Variants in EBF1 observed in about 807,000 individuals in gnomAD.
The protein encoded by EBF1 is transcription factor COE1.
EBF1 carries 10 observed loss-of-function variants against 68.4 expected under a neutral mutation model. That is an observed-to-expected ratio of 0.15 (90% CI 0.09 to 0.25). The LOEUF is 0.25. EBF1 is among the 10% of genes least tolerant of loss of function. The pLI, the probability that EBF1 is intolerant of heterozygous loss-of-function variation, is 1.00. For missense variants in EBF1, 509 were observed against 794.4 expected (o/e 0.64, Z 4.32); for synonymous variants, 298 against 299.8 (o/e 0.99, Z 0.06).
chr5:158,702,104 C>A (rs781474971), intron 15 of EBF1, among the ~76,000 whole-genome samples: 1 of 152,148 alleles, frequency 6.6e-6, no homozygotes, highest in Non-Finnish European at 1.5e-5. Context: ...AGGGCAGAAC[C>A]CTTGCGGTTG....
At chr5:158,882,452 G>C (rs1035936218) in intron 6 of EBF1, among the ~76,000 whole-genome samples, 1 of 152,136 alleles carries the variant, frequency 6.6e-6, no homozygotes, top group Admixed American at 6.5e-5. Context: ...CTAGATGCCA[G>C]GTACTCAACC....
At chr5:158,802,912 T>C (rs942416602) in intron 8 of EBF1, among the ~76,000 whole-genome samples, 44 of 152,312 alleles carry the variant, frequency 2.9e-4, no homozygotes, top group African/African-American at 9.9e-4. Flanking sequence ...CCCTATACTC[T>C]CATCAGTTCA....
intron 8 of EBF1, among the ~76,000 whole-genome samples, chr5:158,814,434 A>G (rs979766965): frequency 2.6e-5 from 4 of 152,216 alleles, no homozygotes; most frequent in African/African-American, 9.6e-5. Context: ...AATCTCCCCT[A>G]CAACACACAA....
intron 6 of EBF1, among the ~76,000 whole-genome samples, chr5:158,875,056 T>TACACACACACACAC (rs3035121): frequency 2.4e-4 from 35 of 147,410 alleles, no homozygotes; most frequent in African/African-American, 8.3e-4. Context: ...CACACACACA[T>TACACACACACACAC]ACACACACAC....
chr5:158,820,280 C>T (rs765402495), intron 8 of EBF1, among the ~76,000 whole-genome samples: 1 of 151,894 alleles, frequency 6.6e-6, no homozygotes, highest in Non-Finnish European at 1.5e-5. Context: ...GGGGTGGGAG[C>T]GGAGACACAG....
chr5:159,085,441 C>T (rs1239691954), intron 4 of EBF1, among the ~76,000 whole-genome samples: 1 of 152,204 alleles, frequency 6.6e-6, no homozygotes. Context: ...AATCACCTCA[C>T]CAGCCCAAAT....
chr5:158,927,564 A>G (rs940108104), intron 6 of EBF1, among the ~76,000 whole-genome samples: 3 of 152,224 alleles, frequency 2.0e-5, no homozygotes, highest in Admixed American at 2.0e-4. Flanking sequence ...TGGCTTCAAA[A>G]AAGAAAGGCC....
intron 10 of EBF1, among the ~76,000 whole-genome samples, chr5:158,744,384 G>A (rs1767102517): frequency 1.3e-5 from 2 of 152,056 alleles, no homozygotes; most frequent in African/African-American, 4.8e-5. Flanking sequence ...TCACCGAAAC[G>A]AGGAACTCAA....
rs1240860212 is a variant in EBF1 at position 158,847,638 on chromosome 5, C to G, written c.555-7528G>C. 2.6e-5 allele frequency among the ~76,000 whole-genome samples: 4 copies of G among 152,156 alleles called. No individual in the cohort carries two copies. The East Asian group carries it at 7.7e-4, about 29-fold the overall frequency. Reference sequence around the variant, plus strand: ...TTACTCAAATGCCAAGTGTTTCTTGCCAAAACATATTAAGGTGCAAACTCT... The same window carrying G: ...TTACTCAAATGCCAAGTGTTTCTTGGCAAAACATATTAAGGTGCAAACTCT... On this transcript the variant is annotated intron_variant, in intron 6 of 15. Transcript: ENST00000313708.
rs769530837 is a variant in EBF1, at chr5:158,777,470, G to A, written c.979C>T (p.Leu327=). 5 of 1,612,992 alleles carry A rather than the reference G, an allele frequency of 3.1e-6. No individual in the cohort carries two copies. Among genetic ancestry groups the A allele is most frequent in the South Asian group, 1.1e-5 (1 of 90,982 alleles). ...CAGAACTGCTTAGATTTGTAGGACAGTGTGACTTCCACAACACCAGGGATG... is the reference window on the plus strand; with the variant it reads ...CAGAACTGCTTAGATTTGTAGGACAATGTGACTTCCACAACACCAGGGATG... ...RHIPGVVEVT[L]SYKSKQFCKG... is the part of the protein sequence containing the mutation. Residue 327 remains leucine (L), a synonymous_variant, in exon 10 of 16, where the codon CTG becomes TTG. Transcript: ENST00000313708.
intron 6 of EBF1, among the ~76,000 whole-genome samples, chr5:158,925,948 C>A (rs1257351266): frequency 6.6e-6 from 1 of 152,126 alleles, no homozygotes; most frequent in African/African-American, 2.4e-5. Flanking sequence ...TGTCCAGGAA[C>A]AAAGTTTGGT....
chr5:158,831,237 T>G (rs1787492202), intron 7 of EBF1, among the ~76,000 whole-genome samples: 2 of 152,146 alleles, frequency 1.3e-5, no homozygotes, highest in Non-Finnish European at 2.9e-5. Context: ...GGCTATGGCA[T>G]ACGGACATGG....
At chr5:158,792,930 G>T (rs540537560) in intron 9 of EBF1, among the ~76,000 whole-genome samples, 92 of 152,162 alleles carry the variant, frequency 6.0e-4, no homozygotes, top group Non-Finnish European at 1.1e-3. Context: ...AACTGTTAAG[G>T]CACCCCCAGC....
chr5:158,779,413 G>A (rs1325659818), intron 9 of EBF1, among the ~76,000 whole-genome samples: 1 of 152,092 alleles, frequency 6.6e-6, no homozygotes, highest in African/African-American at 2.4e-5. Context: ...CTTTTTAAAG[G>A]TAGTAACAAA....
chr5:158,832,700 T>A (rs1019120332), intron 7 of EBF1, among the ~76,000 whole-genome samples: 1 of 152,232 alleles, frequency 6.6e-6, no homozygotes, highest in African/African-American at 2.4e-5. Context: ...ATGTCAGGCA[T>A]GTATTTTAAG....
At chr5:159,062,394 A>C (rs1030124980) in intron 6 of EBF1, among the ~76,000 whole-genome samples, 3 of 151,948 alleles carry the variant, frequency 2.0e-5, no homozygotes, top group Non-Finnish European at 4.4e-5. Context: ...AAGGCTGGGG[A>C]AAGGGATGCC....
intron 6 of EBF1, among the ~76,000 whole-genome samples, chr5:158,924,242 C>T (rs1471637816): frequency 1.3e-5 from 2 of 152,184 alleles, no homozygotes; most frequent in Non-Finnish European, 2.9e-5. Context: ...GTCTTTCTGC[C>T]TTTTCGCTGT....
intron 8 of EBF1, among the ~76,000 whole-genome samples, chr5:158,818,505 A>C (rs1257979032): frequency 6.6e-6 from 1 of 152,180 alleles, no homozygotes; most frequent in East Asian, 1.9e-4. Context: ...GTCAGAATTC[A>C]CTGGTGGTGG....
At chr5:158,846,120 T>C (rs954675344) in intron 6 of EBF1, among the ~76,000 whole-genome samples, 1 of 152,212 alleles carries the variant, frequency 6.6e-6, no homozygotes, top group Non-Finnish European at 1.5e-5. Flanking sequence ...GATGGTTATG[T>C]GGCAGATGAT....
Sources: allele counts gnomAD v4.1 joint callset (sites outside exome capture counted in the v4.1 genomes callset), GRCh38; gene constraint gnomAD v4.1.1; transcripts MANE v1.5; gene names NCBI Gene and HGNC (gene_info 2026-07-23, HGNC 2026-07-21).